The following SLC1A1 variants were observed in gnomAD, a reference collection of about 807,000 sequenced individuals.
SLC1A1 encodes excitatory amino acid transporter 3.
A neutral mutation model predicts 53.3 loss-of-function variants in SLC1A1; 43 were observed. The observed-to-expected ratio is 0.81, with a 90% CI of 0.63 to 1.04. The LOEUF is 1.04. Ranked by LOEUF, SLC1A1 falls within the 50% of genes least tolerant of loss-of-function variation. The pLI, the probability that SLC1A1 is intolerant of heterozygous loss-of-function variation, is 0.00. For missense variants in SLC1A1, 748 were observed against 664.9 expected (o/e 1.12, Z -1.37); for synonymous variants, 307 against 243.2 (o/e 1.26, Z -2.44).
Position 4,576,586 on chromosome 9 carries a change from T to C in SLC1A1, c.1016T>C (p.Val339Ala), listed in dbSNP as rs1460563876. The C allele has an allele frequency of 1.2e-6, 2 of 1,614,134 alleles. No homozygotes were observed. The highest frequency in any genetic ancestry group is 2.2e-5 in the South Asian group (2 of 91,084). ...MISSSSATLPVTFRCAEENNQ... is the reference protein window; with the variant it reads ...MISSSSATLPATFRCAEENNQ... ...TCACACAGTTCAGCAACACTGCCTG[T>C]CACCTTCCGCTGTGCTGAAGAAAAT... The change falls in exon 10 of 12, where the codon GTC becomes GCC. Residue 339 changes from valine to alanine, a missense_variant. Coordinates refer to ENST00000262352, the MANE Select transcript of SLC1A1 (RefSeq NM_004170.6).
rs147298756 is a variant in SLC1A1, at chr9:4,498,787, G to A, written c.91+8017G>A. On this transcript the variant is annotated intron_variant, in intron 1 of 11. Transcript: ENST00000262352. ...CTAGAAATTTGGGAGTTGCTAGTGA[G>A]TTAAGTTCATCTGCAAAAAAATATA... Among the ~76,000 whole-genome samples the A allele has an allele frequency of 5.8e-3, 866 of 150,568 alleles. 4 individuals are homozygous for A. Among genetic ancestry groups the A allele is most frequent in the Middle Eastern group, 0.021 (6 of 286 alleles).
At chr9:4,543,067 T>C (rs1394448080) in intron 1 of SLC1A1, among the ~76,000 whole-genome samples, 3 of 152,240 alleles carry the variant, frequency 2.0e-5, no homozygotes, top group Non-Finnish European at 4.4e-5. Context: ...AAGGTTAGTA[T>C]ACAAAATGCA....
chr9:4,510,599 G>T (rs1384963763), intron 1 of SLC1A1, among the ~76,000 whole-genome samples: 1 of 152,158 alleles, frequency 6.6e-6, no homozygotes, highest in Non-Finnish European at 1.5e-5. Context: ...TTACACCTGT[G>T]TCATTTTCAC....
At chr9:4,536,744 G>A (rs1816689239) in intron 1 of SLC1A1, among the ~76,000 whole-genome samples, 1 of 152,176 alleles carries the variant, frequency 6.6e-6, no homozygotes, top group African/African-American at 2.4e-5. Context: ...ACATGCACAT[G>A]TATGTTTATT....
chr9:4,539,862 A>T (rs1344925276), intron 1 of SLC1A1, among the ~76,000 whole-genome samples: 1 of 152,050 alleles, frequency 6.6e-6, no homozygotes, highest in African/African-American at 2.4e-5. Flanking sequence ...GAGCCACTGT[A>T]CCCGACCTTA....
At chr9:4,503,152 C>A (rs571903699) in intron 1 of SLC1A1, among the ~76,000 whole-genome samples, 1 of 151,884 alleles carries the variant, frequency 6.6e-6, no homozygotes, top group South Asian at 2.1e-4. Flanking sequence ...ACCATTAGCA[C>A]CACCATTCCC....
At chr9:4,566,118 T>A (rs751000055) in intron 5 of SLC1A1, 29 bp downstream of exon 5, 3 of 1,576,016 alleles carry the variant, frequency 1.9e-6, no homozygotes, top group African/African-American at 1.3e-5. Context: ...GCCCTTAACT[T>A]GCTACCCTCT....
At position 4,490,760 on chromosome 9, in the gene SLC1A1, G is replaced by T. The variant is rs2229885; in HGVS notation, c.81G>T (p.Ala27=). The change falls in exon 1 of 12, where the codon GCG becomes GCT. Residue 27 remains alanine, a synonymous_variant. Coordinates refer to ENST00000262352, the MANE Select transcript of SLC1A1 (RefSeq NM_004170.6). The stretch of plus-strand genomic sequence containing the variant: ...GGGTGTTGCTGTCCACCGTGGCCGC[G>T]GTGGTGCTAGGTGAGCGGCGCGGCG... ...NNWVLLSTVA[A]VVLGITTGVL... 6 of 1,611,724 alleles carry T rather than the reference G, an allele frequency of 3.7e-6. No homozygotes were observed. The highest frequency in any genetic ancestry group is 1.3e-5 in the African/African-American group (1 of 74,836).
chr9:4,545,187 A>ACGTCTCTCTCTCTCTCTCTCTCTCTCTC (rs1482539598), intron 2 of SLC1A1, among the ~76,000 whole-genome samples: 18 of 49,030 alleles, frequency 3.7e-4, no homozygotes, highest in African/African-American at 1.0e-3. Flanking sequence ...AATACATTAG[A>ACGTCTCTCTCTCTCTCTCTCTCTCTCTC]TGTCTCTCTC....
At chr9:4,527,762 T>G (rs1289930956) in intron 1 of SLC1A1, among the ~76,000 whole-genome samples, 1 of 152,122 alleles carries the variant, frequency 6.6e-6, no homozygotes, top group Non-Finnish European at 1.5e-5. Flanking sequence ...CTTACCGTTT[T>G]GAAGCCATAC....
chr9:4,579,948 C>T (rs977477246), intron 10 of SLC1A1, among the ~76,000 whole-genome samples: 6 of 152,096 alleles, frequency 3.9e-5, no homozygotes, highest in Admixed American at 1.3e-4. Context: ...GGGCCGGAAG[C>T]GATGGCTCAG....
intron 1 of SLC1A1, among the ~76,000 whole-genome samples, chr9:4,533,234 G>C (rs573012575): frequency 6.6e-6 from 1 of 152,114 alleles, no homozygotes; most frequent in African/African-American, 2.4e-5. Flanking sequence ...AAATGTAAAT[G>C]GGCTAAATGC....
intron 3 of SLC1A1, 29 bp from the exon 4 acceptor site, chr9:4,564,315 T>C (rs1014603159): frequency 7.3e-6 from 11 of 1,498,028 alleles, no homozygotes; most frequent in Non-Finnish European, 1.0e-5. Context: ...AGGTTCCTAA[T>C]GCTCTGTGGA....
At chr9:4,498,939 A>T (rs1820536521) in intron 1 of SLC1A1, among the ~76,000 whole-genome samples, 1 of 146,644 alleles carries the variant, frequency 6.8e-6, no homozygotes, top group African/African-American at 2.5e-5. Flanking sequence ...TATGTATTAT[A>T]TACATAATAT....
In SLC1A1 at chr9:4,575,965, A is replaced by G. The variant is rs947268358; in HGVS notation, c.876-36A>G. The G allele has an allele frequency of 5.6e-6, 9 of 1,611,094 alleles. No individual in the cohort carries two copies. In the African/African-American group the frequency reaches 1.2e-4, roughly 22 times the overall value. On this transcript the variant is annotated intron_variant, in intron 8 of 11. Coordinates refer to ENST00000262352, the MANE Select transcript of SLC1A1 (RefSeq NM_004170.6). ...GGATTAAGTGTGGGGAGGTGGTATT[A>G]TCTTTGAAACTTTAATTTCTCTTTC...
chr9:4,492,939 T>C (rs1820288320), intron 1 of SLC1A1, among the ~76,000 whole-genome samples: 1 of 152,186 alleles, frequency 6.6e-6, no homozygotes, highest in Non-Finnish European at 1.5e-5. Flanking sequence ...TGCACACCAC[T>C]CGTCAGCATG....
chr9:4,546,583 C>T (rs1050441710), intron 2 of SLC1A1, among the ~76,000 whole-genome samples: 3 of 152,204 alleles, frequency 2.0e-5, no homozygotes, highest in Non-Finnish European at 4.4e-5. Flanking sequence ...ACTTTGTCCA[C>T]TTCACTCTTA....
intron 1 of SLC1A1, among the ~76,000 whole-genome samples, chr9:4,494,030 T>A (rs1188347063): frequency 2.6e-5 from 4 of 152,240 alleles, no homozygotes; most frequent in Non-Finnish European, 5.9e-5. Context: ...CTTTTTAAAT[T>A]TCTGCGACAC....
At chr9:4,528,641 G>A (rs979878028) in intron 1 of SLC1A1, among the ~76,000 whole-genome samples, 2 of 152,158 alleles carry the variant, frequency 1.3e-5, no homozygotes, top group Admixed American at 6.5e-5. Context: ...TCTGGTTTAA[G>A]AAGGTGGGAA....
Sources: gnomAD v4.1 joint callset for allele counts (sites outside exome capture counted in the v4.1 genomes callset) on GRCh38, gnomAD v4.1.1 for gene constraint, MANE v1.5 for transcripts, NCBI Gene and HGNC (gene_info 2026-07-23, HGNC 2026-07-21) for gene names.